Variants in SLAIN2 observed in about 807,000 individuals in gnomAD.
The protein encoded by SLAIN2 is SLAIN motif-containing protein 2.
Under a neutral mutation model 56.6 loss-of-function variants are expected in SLAIN2, and 31 were observed. The ratio of observed to expected loss-of-function variants is 0.55; its 90% CI spans 0.41 to 0.74. The LOEUF (loss-of-function observed/expected upper bound fraction) is 0.74. SLAIN2 is among the 30% of genes least tolerant of loss of function. SLAIN2 has a pLI of 0.00. For missense variants in SLAIN2, 777 were observed against 754.2 expected (o/e 1.03, Z -0.35); for synonymous variants, 317 against 284.9 (o/e 1.11, Z -1.13).
chr4:48,411,283 A>G (rs1716839010), intron 6 of SLAIN2, among the ~76,000 whole-genome samples: 1 of 152,140 alleles, frequency 6.6e-6, no homozygotes, highest in South Asian at 2.1e-4. Flanking sequence ...AGGTCTTTCC[A>G]GGGCAGCATG....
chr4:48,347,120 A>G (rs1461239889), intron 1 of SLAIN2, among the ~76,000 whole-genome samples: 1 of 151,940 alleles, frequency 6.6e-6, no homozygotes, highest in African/African-American at 2.4e-5. Flanking sequence ...CTTAAAAAAT[A>G]GAACTTGGCC....
At chr4:48,394,803 T>A in intron 6 of SLAIN2, 2 of 656,152 alleles carry the variant, frequency 3.0e-6, no homozygotes, top group Non-Finnish European at 4.9e-6. Context: ...ATTCTGTTAT[T>A]TGGATAAATC....
intron 1 of SLAIN2, among the ~76,000 whole-genome samples, chr4:48,364,726 G>A (rs1403991091): frequency 2.2e-5 from 3 of 136,120 alleles, no homozygotes; most frequent in Non-Finnish European, 3.3e-5. Context: ...CCAGTCAGGC[G>A]TGGCGGCGCG....
intron 7 of SLAIN2, among the ~76,000 whole-genome samples, chr4:48,420,751 T>G (rs12511991): frequency 0.6 from 91,572 of 151,664 alleles, 27,923 homozygotes; most frequent in South Asian, 0.71. Context: ...ATTTCGAATA[T>G]AATTATATTC....
chr4:48,394,012 C>A (rs1658580930), intron 6 of SLAIN2, among the ~76,000 whole-genome samples: 1 of 152,098 alleles, frequency 6.6e-6, no homozygotes, highest in African/African-American at 2.4e-5. Flanking sequence ...GCTTAGATAT[C>A]CAAAGTCTGA....
At chr4:48,421,879 G>A in intron 7 of SLAIN2, 132 bp from the exon 8 acceptor site, 1 of 699,372 alleles carries the variant, frequency 1.4e-6, no homozygotes, top group South Asian at 1.8e-5. Flanking sequence ...CCTGTTTAGA[G>A]CTTAGGACTT....
At chr4:48,383,837 AT>A in intron 6 of SLAIN2, 53 bp downstream of exon 6, 1 of 1,540,140 alleles carries the variant, frequency 6.5e-7, no homozygotes, top group South Asian at 1.2e-5. Flanking sequence ...AGAAGTGAAA[AT>A]TTTAGATATT....
At chr4:48,382,458 AC>A (rs1423743326) in intron 4 of SLAIN2, 109 bp from the exon 5 acceptor site, 8 of 1,151,648 alleles carry the variant, frequency 6.9e-6, no homozygotes, top group Non-Finnish European at 9.2e-6. Flanking sequence ...GTTTTCTTTT[AC>A]ACTTTACACC....
At chr4:48,408,679 C>CA in intron 6 of SLAIN2, among the ~76,000 whole-genome samples, 1 of 151,986 alleles carries the variant, frequency 6.6e-6, no homozygotes, top group East Asian at 1.9e-4. Context: ...ACAAAAGAGT[C>CA]ACGTTTTTAA....
chr4:48,400,099 C>G (rs1716508397), intron 6 of SLAIN2, among the ~76,000 whole-genome samples: 1 of 152,140 alleles, frequency 6.6e-6, no homozygotes, highest in Admixed American at 6.5e-5. Flanking sequence ...CTTTGTACCT[C>G]TGGTAGAATT....
Position 48,424,385 on chromosome 4 carries a change from G to A in SLAIN2, c.*2308G>A, listed in dbSNP as rs2109794683. ...GTGGATTTGATAAACTAGTGCCTAT[G>A]ATTTTAACTTATGTTTGATATATAG... On this transcript the variant is annotated 3_prime_UTR_variant, in exon 8 of 8. Coordinates refer to ENST00000264313, the MANE Select transcript of SLAIN2 (RefSeq NM_020846.2). 1 of 152,240 alleles carries A rather than the reference G, an allele frequency of 6.6e-6. No homozygotes were observed. The highest frequency in any genetic ancestry group is 2.1e-4 in the South Asian group (1 of 4,822). The allele number at this position is 152,240 out of a possible 1,614,324, so 9.4% of individuals were successfully genotyped here.
intron 1 of SLAIN2, among the ~76,000 whole-genome samples, chr4:48,351,267 T>A (rs183238795): frequency 1.3e-5 from 2 of 152,372 alleles, no homozygotes; most frequent in East Asian, 3.9e-4. Context: ...GTTAGGTTTT[T>A]AGTATGCATT....
At chr4:48,385,800 A>T (rs777382376) in intron 6 of SLAIN2, among the ~76,000 whole-genome samples, 11 of 151,408 alleles carry the variant, frequency 7.3e-5, no homozygotes, top group Non-Finnish European at 4.4e-5. Context: ...TAATTTCTTC[A>T]CACTTTTCCT....
intron 1 of SLAIN2, among the ~76,000 whole-genome samples, chr4:48,364,392 C>T (rs1715449269): frequency 1.5e-5 from 1 of 66,886 alleles, no homozygotes. Flanking sequence ...ACTTTCCAGA[C>T]TGGGCAGCCA....
intron 6 of SLAIN2, among the ~76,000 whole-genome samples, chr4:48,403,510 T>TG (rs1385176063): frequency 6.6e-6 from 1 of 152,002 alleles, no homozygotes; most frequent in Non-Finnish European, 1.5e-5. Context: ...TGCTGCATTG[T>TG]GGGGAACTCC....
intron 1 of SLAIN2, among the ~76,000 whole-genome samples, chr4:48,359,846 A>G (rs1310879845): frequency 6.6e-6 from 1 of 152,170 alleles, no homozygotes; most frequent in Non-Finnish European, 1.5e-5. Context: ...ATTTAACAGT[A>G]TACTTAAATT....
intron 6 of SLAIN2, among the ~76,000 whole-genome samples, chr4:48,400,556 C>T (rs535264676): frequency 2.0e-5 from 3 of 152,012 alleles, no homozygotes; most frequent in African/African-American, 4.8e-5. Context: ...TGTGCCACCA[C>T]GCCTAGCTAA....
chr4:48,385,212 A>T (rs1190617913), intron 6 of SLAIN2, among the ~76,000 whole-genome samples: 1 of 152,218 alleles, frequency 6.6e-6, no homozygotes, highest in Non-Finnish European at 1.5e-5. Flanking sequence ...GAATTTCAAA[A>T]AATTACTTTT....
intron 1 of SLAIN2, among the ~76,000 whole-genome samples, chr4:48,352,040 C>T (rs411261): frequency 0.55 from 83,917 of 151,958 alleles, 23,726 homozygotes; most frequent in South Asian, 0.69. Flanking sequence ...AGTGAGAAAG[C>T]TGAATCATTG....
Sources: allele counts gnomAD v4.1 joint callset (sites outside exome capture counted in the v4.1 genomes callset), GRCh38; gene constraint gnomAD v4.1.1; transcripts MANE v1.5; gene names NCBI Gene and HGNC (gene_info 2026-07-23, HGNC 2026-07-21).